CES4A: variants seen among roughly 807,000 people sequenced by gnomAD.
CES4A encodes the protein carboxylesterase 6.
Under a neutral mutation model 65.4 loss-of-function variants are expected in CES4A, and 48 were observed. The ratio of observed to expected loss-of-function variants is 0.73; its 90% CI spans 0.58 to 0.93. The LOEUF (loss-of-function observed/expected upper bound fraction) is 0.93, where lower values mean the gene tolerates loss of function less well. Among genes scored for constraint, CES4A ranks in the 40% least tolerant of loss-of-function variants. The pLI is 0.00. For missense variants in CES4A, 685 were observed against 728.5 expected (o/e 0.94, Z 0.69); for synonymous variants, 247 against 281.8 (o/e 0.88, Z 1.24).
At chr16:66,992,609 T>C (rs1964482903) in intron 1 of CES4A, among the ~76,000 whole-genome samples, 1 of 152,204 alleles carries the variant, frequency 6.6e-6, no homozygotes, top group Non-Finnish European at 1.5e-5. Flanking sequence ...TTTCTGTCAC[T>C]TTACAGAATG....
chr16:66,989,884 C>T (rs893523038), intron 1 of CES4A, among the ~76,000 whole-genome samples: 7 of 151,460 alleles, frequency 4.6e-5, no homozygotes, highest in African/African-American at 1.7e-4. Context: ...CCATCTCCAG[C>T]GTCCCATGTA....
chr16:66,995,557 G>A, intron 1 of CES4A, 71 bp from the exon 2 acceptor site: 1 of 1,359,676 alleles, frequency 7.4e-7, no homozygotes, highest in South Asian at 1.2e-5. Context: ...TTGTGGCTGA[G>A]TGGCTGAGCC....
At position 67,000,661 on chromosome 16, in the gene CES4A, A is replaced by C; in HGVS notation, c.284A>C (p.Gln95Pro). Residue 95 changes from glutamine (Q) to proline (P), a missense_variant, in exon 3 of 14, where the codon CAG becomes CCG. Physicochemically the swap from Gln to Pro is moderately conservative, Grantham distance 76. Transcript: ENST00000648724. This position sits in a 1 kb window ranked among gnomAD's most constrained non-coding sequence, Gnocchi z 4.2. Reference sequence around the variant, plus strand: ...AGGTGCCTGCAGGAGTCCTGGGGCCAGCTGGCCTCGATGTACGTCAGCACG... The same window carrying C: ...AGGTGCCTGCAGGAGTCCTGGGGCCCGCTGGCCTCGATGTACGTCAGCACG... 1.3e-6 allele frequency: 2 copies of C among 1,549,264 alleles called. No individual in the cohort carries two copies. Among genetic ancestry groups the C allele is most frequent in the Non-Finnish European group, 1.7e-6 (2 of 1,146,618 alleles).
chr16:67,000,150 G>T lies in CES4A; in HGVS notation c.261-488G>T, dbSNP rs1442388313. ...TACATATTAGGGAAGATATGAAGAA[G>T]AGGAGTGACATAGTCCGCCAGAGTG... On this transcript the variant is annotated intron_variant, in intron 2 of 13. Transcript: ENST00000648724. This position sits in a 1 kb window ranked among gnomAD's most constrained non-coding sequence, Gnocchi z 4.2. Among the ~76,000 whole-genome samples, 1 of 152,210 alleles carries T rather than the reference G, an allele frequency of 6.6e-6. No homozygotes were observed. The highest frequency in any genetic ancestry group is 1.5e-5 in the Non-Finnish European group (1 of 68,040).
intron 10 of CES4A, 158 bp downstream of exon 10, chr16:67,005,031 AG>A: frequency 2.7e-6 from 2 of 737,458 alleles, no homozygotes; most frequent in Non-Finnish European, 4.5e-6. Context: ...GACTGCTTAC[AG>A]GTAAGGTGCT....
chr16:66,996,968 C>T (rs1008771207), intron 2 of CES4A, among the ~76,000 whole-genome samples: 3 of 151,636 alleles, frequency 2.0e-5, no homozygotes, highest in African/African-American at 4.9e-5. Context: ...GGGTGGGAGG[C>T]TCACTTGATC....
intron 9 of CES4A, 29 bp from the exon 10 acceptor site, chr16:67,004,764 C>T: frequency 6.5e-7 from 1 of 1,530,058 alleles, no homozygotes; most frequent in Non-Finnish European, 8.8e-7. Context: ...CAGGCCTGAC[C>T]CACACTGGGG....
chr16:67,004,281 A>G, intron 9 of CES4A, 57 bp downstream of exon 9: 1 of 1,593,218 alleles, frequency 6.3e-7, no homozygotes, highest in Non-Finnish European at 8.6e-7. Flanking sequence ...ACCATAGTGG[A>G]GGCAGGGAAG....
intron 11 of CES4A, 38 bp from the exon 12 acceptor site, chr16:67,006,353 G>A: frequency 6.5e-7 from 1 of 1,535,902 alleles, no homozygotes; most frequent in Non-Finnish European, 8.7e-7. Flanking sequence ...CTAGGCAGAG[G>A]CTTTTCCTGC....
At chr16:67,006,125 C>CATG (rs887130734) in intron 11 of CES4A, 4 of 427,150 alleles carry the variant, frequency 9.4e-6, no homozygotes, top group African/African-American at 8.0e-5. Context: ...GGAAGGCTTC[C>CATG]ATGATCCTGG....
rs574144420 is a variant in CES4A, at chr16:66,995,037, C to T, written c.59-591C>T. ...AATAAATAAATAAATGAGGGCCGGGCGTGGTGGCTCACACCTGTAATCCCA... is the reference window on the plus strand; with the variant it reads ...AATAAATAAATAAATGAGGGCCGGGTGTGGTGGCTCACACCTGTAATCCCA... On this transcript the variant is annotated intron_variant, in intron 1 of 13. Transcript: ENST00000648724. Among the ~76,000 whole-genome samples, 1,162 of 148,796 alleles carry T rather than the reference C, an allele frequency of 7.8e-3. 5 individuals are homozygous for T. Among genetic ancestry groups the T allele is most frequent in the Non-Finnish European group, 0.012 (836 of 67,370 alleles).
chr16:67,003,556 A>T lies in CES4A; in HGVS notation c.939+3A>T. ...ACTTCCAGAGAGACCCGGAAGAGGT[A>T]AACAGGCCACATTCTGCAATTTGAG... On this transcript the variant is annotated splice_donor_region_variant and intron_variant, in intron 8 of 13. Coordinates refer to ENST00000648724, the Ensembl canonical transcript of CES4A. The surrounding 1 kb of genome is among the most constrained non-coding windows in gnomAD (Gnocchi z 4.2). 2 of 1,610,900 alleles carry T rather than the reference A, an allele frequency of 1.2e-6. No homozygotes were observed. Among genetic ancestry groups the T allele is most frequent in the Non-Finnish European group, 1.7e-6 (2 of 1,177,076 alleles).
chr16:66,996,123 C>T lies in CES4A; in HGVS notation c.260+294C>T, dbSNP rs777936310. The T allele has an allele frequency of 1.9e-4, 98 of 508,336 alleles. 1 individual carries two copies. The highest frequency in any genetic ancestry group is 1.0e-3 in the South Asian group (62 of 61,252). The allele number at this position is 508,336 out of a possible 1,614,324, so 31.5% of individuals were successfully genotyped here. A position where few individuals can be genotyped will look rare whatever the true frequency, so the allele number is the denominator to read the frequency against. On this transcript the variant is annotated intron_variant, in intron 2 of 13. Coordinates refer to ENST00000648724, the Ensembl canonical transcript of CES4A. ...CACGATCTCGGCTCACTGCAACCTC[C>T]GCCTCCCGGGTTCAAGCGAGTCTCC...
chr16:67,002,929 C>T (rs1965467782), intron 5 of CES4A, 141 bp from the exon 6 acceptor site: 2 of 702,082 alleles, frequency 2.8e-6, no homozygotes, highest in Non-Finnish European at 2.6e-6. Context: ...GGACATCACC[C>T]CAGGACTCCT....
chr16:67,000,546 G>A lies in CES4A; in HGVS notation c.261-92G>A. ...ACGCACACGCACGCGCACAGACGCT[G>A]CCTGGATTTTGCTTTGGGTTCCGTC... On this transcript the variant is annotated intron_variant, in intron 2 of 13. Transcript: ENST00000648724. This position sits in a 1 kb window ranked among gnomAD's most constrained non-coding sequence, Gnocchi z 4.2. 1.4e-6 allele frequency: 2 copies of A among 1,480,552 alleles called. No individual in the cohort carries two copies. The highest frequency in any genetic ancestry group is 1.3e-5 in the South Asian group (1 of 75,190). The allele number at this position is 1,480,552 out of a possible 1,614,324, so 91.7% of individuals were successfully genotyped here.
chr16:67,009,952 G>A (rs555769876), downstream of CES4A, among the ~76,000 whole-genome samples: 3 of 151,998 alleles, frequency 2.0e-5, no homozygotes, highest in Admixed American at 6.6e-5. Context: ...CACACCCCAC[G>A]CTCACTTGTC....
intron 2 of CES4A, chr16:66,996,194 G>A: frequency 2.6e-6 from 1 of 380,958 alleles, no homozygotes; most frequent in Non-Finnish European, 5.0e-6. Context: ...GTGCCACCAT[G>A]CACACCTAAT....
chr16:66,994,513 C>T (rs953338998), intron 1 of CES4A, among the ~76,000 whole-genome samples: 7 of 150,846 alleles, frequency 4.6e-5, no homozygotes, highest in Admixed American at 1.3e-4. Context: ...GCGCAGCCGA[C>T]ATGAACTTTT....
At position 67,003,082 on chromosome 16, in the gene CES4A, C is replaced by T. The variant is rs1227019401; in HGVS notation, c.703C>T (p.Leu235=). 2 of 1,613,964 alleles carry T rather than the reference C, an allele frequency of 1.2e-6. No individual in the cohort carries two copies. Among genetic ancestry groups the T allele is most frequent in the Non-Finnish European group, 1.7e-6 (2 of 1,179,960 alleles). ...CCTGTTCTTGCAGATGATGTCACCC[C>T]TAGCCTCGGGTCTCTTCCATCGGGC... Residue 235 remains leucine (L), a synonymous_variant, in exon 6 of 14, where the codon CTA becomes TTA. Coordinates refer to ENST00000648724, the Ensembl canonical transcript of CES4A. The surrounding 1 kb of genome is among the most constrained non-coding windows in gnomAD (Gnocchi z 4.2).
Sources: allele counts gnomAD v4.1 joint callset (sites outside exome capture counted in the v4.1 genomes callset), GRCh38; gene constraint gnomAD v4.1.1; non-coding constraint Gnocchi (gnomAD v3.1); transcripts MANE v1.5; gene names NCBI Gene and HGNC (gene_info 2026-07-23, HGNC 2026-07-21).